The following MYLK variants were observed in gnomAD, a reference collection of about 807,000 sequenced individuals.
The protein encoded by MYLK is myosin light chain kinase, smooth muscle.
A neutral mutation model predicts 203.4 loss-of-function variants in MYLK; 106 were observed. The observed-to-expected ratio is 0.52, with a 90% CI of 0.45 to 0.61. MYLK has a LOEUF of 0.61. Ranked by LOEUF, MYLK falls within the 20% of genes least tolerant of loss-of-function variation. The pLI, the probability that MYLK is intolerant of heterozygous loss-of-function variation, is 0.00. For synonymous variants in MYLK, 867 were observed against 959.5 expected, an observed-to-expected ratio of 0.90 and a Z score of 1.78; for missense variants, 2,072 against 2,442.3, an observed-to-expected ratio of 0.85 and a Z score of 3.20.
intron 20 of MYLK, among the ~76,000 whole-genome samples, chr3:123,671,659 G>A (rs2059916710): frequency 6.6e-6 from 1 of 152,160 alleles, no homozygotes; most frequent in South Asian, 2.1e-4. Context: ...GGAGGTGAAA[G>A]GACAAAGAGA....
At chr3:123,812,696 T>G (rs2065601077) in intron 3 of MYLK, among the ~76,000 whole-genome samples, 1 of 152,234 alleles carries the variant, frequency 6.6e-6, no homozygotes, top group South Asian at 2.1e-4. Context: ...TGGAAATCCC[T>G]GATGCAGGGC....
intron 1 of MYLK, among the ~76,000 whole-genome samples, chr3:123,882,033 T>G (rs2033579283): frequency 6.6e-6 from 1 of 152,224 alleles, no homozygotes; most frequent in African/African-American, 2.4e-5. Flanking sequence ...AGCCTAGGAA[T>G]GTTCCAAGGC....
At chr3:123,864,292 C>T (rs186704993) in intron 2 of MYLK, among the ~76,000 whole-genome samples, 2 of 152,138 alleles carry the variant, frequency 1.3e-5, no homozygotes, top group African/African-American at 4.8e-5. Flanking sequence ...TGCTTTTGTC[C>T]AAAGTCATCC....
At chr3:123,838,756 A>T (rs2066526926) in intron 2 of MYLK, among the ~76,000 whole-genome samples, 1 of 152,190 alleles carries the variant, frequency 6.6e-6, no homozygotes, top group Non-Finnish European at 1.5e-5. Context: ...TACATTTTTA[A>T]AAAGAAGTAT....
chr3:123,855,009 C>A (rs2031222948), intron 2 of MYLK, among the ~76,000 whole-genome samples: 1 of 152,044 alleles, frequency 6.6e-6, no homozygotes, highest in African/African-American at 2.4e-5. Flanking sequence ...TTAAGTTGCT[C>A]TTTTTTCTCT....
chr3:123,651,570 G>A (rs777394836), intron 24 of MYLK, among the ~76,000 whole-genome samples: 18 of 152,128 alleles, frequency 1.2e-4, no homozygotes, highest in Non-Finnish European at 2.1e-4. Flanking sequence ...TTTTCCCGGC[G>A]TGGCATGGAG....
chr3:123,819,142 C>A (rs146015652), intron 3 of MYLK, among the ~76,000 whole-genome samples: 1 of 152,102 alleles, frequency 6.6e-6, no homozygotes, highest in Non-Finnish European at 1.5e-5. Context: ...GTTGGGAGAC[C>A]ATTCTTCATG....
chr3:123,799,210 T>TGG (rs1161816215), intron 3 of MYLK, among the ~76,000 whole-genome samples: 1 of 150,426 alleles, frequency 6.6e-6, no homozygotes, highest in African/African-American at 2.4e-5. Flanking sequence ...CCCTGATGCT[T>TGG]GGGCCAACGC....
At chr3:123,686,699 C>A (rs994157285) in intron 19 of MYLK, among the ~76,000 whole-genome samples, 5 of 152,164 alleles carry the variant, frequency 3.3e-5, no homozygotes, top group Non-Finnish European at 7.3e-5. Context: ...ACAAGGAAAA[C>A]CGAAATAACA....
chr3:123,727,335 G>A (rs577466938), intron 11 of MYLK, among the ~76,000 whole-genome samples: 85 of 152,246 alleles, frequency 5.6e-4, no homozygotes, highest in African/African-American at 1.8e-3. Flanking sequence ...GGCCAGTGTT[G>A]AACTCCCTCA....
chr3:123,838,609 T>C (rs2066524004), intron 2 of MYLK, among the ~76,000 whole-genome samples: 1 of 152,122 alleles, frequency 6.6e-6, no homozygotes, highest in African/African-American at 2.4e-5. Flanking sequence ...GAAAAATGCA[T>C]AACAACAACA....
intron 4 of MYLK, among the ~76,000 whole-genome samples, chr3:123,771,993 G>A (rs1401497046): frequency 2.0e-5 from 3 of 151,968 alleles, no homozygotes; most frequent in African/African-American, 7.3e-5. Context: ...CTCTGATATT[G>A]GCTTTAGCCA....
chr3:123,814,808 T>TTTC (rs2065689224), intron 3 of MYLK, among the ~76,000 whole-genome samples: 2 of 151,892 alleles, frequency 1.3e-5, no homozygotes, highest in Non-Finnish European at 2.9e-5. Context: ...TTCTTTCTTT[T>TTTC]TTTAGATGGA....
rs114092979 is a variant in MYLK at position 123,702,970 on chromosome 3, C to T, written c.2391-1461G>A. Among the ~76,000 whole-genome samples, 1,044 of 152,306 alleles carry T rather than the reference C, an allele frequency of 6.9e-3. 6 individuals are homozygous for T. The highest frequency in any genetic ancestry group is 0.01 in the Non-Finnish European group (699 of 68,026). ...TTATCAGTACAAATCTGGTCTGGGA[C>T]ATGTGTGTGTTCATGCACATATGTA... On this transcript the variant is annotated intron_variant, in intron 16 of 33. Transcript: ENST00000360304.
In MYLK at chr3:123,613,909, A is replaced by C. The variant is rs371846511; in HGVS notation, c.*196T>G. The C allele has an allele frequency of 1.1e-5, 7 of 635,544 alleles. No homozygotes were observed. Among genetic ancestry groups the C allele is most frequent in the Admixed American group, 5.7e-5 (2 of 35,300 alleles). The allele number at this position is 635,544 out of a possible 1,614,324, so 39.4% of individuals were successfully genotyped here. A position where few individuals can be genotyped will look rare whatever the true frequency, so the allele number is the denominator to read the frequency against. On this transcript the variant is annotated 3_prime_UTR_variant, in exon 34 of 34. Coordinates refer to ENST00000360304, the MANE Select transcript of MYLK (RefSeq NM_053025.4). ...GCTGCACTAGTATCTTAAGGTGCCA[A>C]CTAACATAGATTAATGCCCATCAAT...
chr3:123,714,947 T>A (rs2061841080), intron 13 of MYLK, among the ~76,000 whole-genome samples: 1 of 151,102 alleles, frequency 6.6e-6, no homozygotes, highest in Non-Finnish European at 1.5e-5. Context: ...AAGCTGTTAA[T>A]AGGACTTAAG....
intron 2 of MYLK, among the ~76,000 whole-genome samples, chr3:123,866,739 C>A (rs2032355669): frequency 6.6e-6 from 1 of 152,136 alleles, no homozygotes; most frequent in Non-Finnish European, 1.5e-5. Context: ...ACCTCGTCAC[C>A]CAGACAGACC....
chr3:123,883,585 C>A (rs2033676220), intron 1 of MYLK, among the ~76,000 whole-genome samples: 1 of 152,200 alleles, frequency 6.6e-6, no homozygotes, highest in Non-Finnish European at 1.5e-5. Flanking sequence ...CAACCATTGA[C>A]AACTCACATC....
At chr3:123,660,520 CT>C (rs1560032208) in intron 23 of MYLK, among the ~76,000 whole-genome samples, 1 of 152,154 alleles carries the variant, frequency 6.6e-6, no homozygotes, top group Admixed American at 6.5e-5. Context: ...CAGGAAGAGG[CT>C]CTGAGCATTG....
Sources: allele counts gnomAD v4.1 joint callset (sites outside exome capture counted in the v4.1 genomes callset), GRCh38; gene constraint gnomAD v4.1.1; transcripts MANE v1.5; gene names NCBI Gene and HGNC (gene_info 2026-07-23, HGNC 2026-07-21).